PPP1R16B: variants seen among roughly 807,000 people sequenced by gnomAD.
The protein encoded by PPP1R16B is protein phosphatase 1 regulatory subunit 16B.
A neutral mutation model predicts 61.7 loss-of-function variants in PPP1R16B; 14 were observed. The observed-to-expected ratio is 0.23, with a 90% CI of 0.15 to 0.35. PPP1R16B has a LOEUF of 0.35. PPP1R16B is among the 10% of genes least tolerant of loss of function. The pLI, the probability that PPP1R16B is intolerant of heterozygous loss-of-function variation, is 1.00. For synonymous variants in PPP1R16B, 266 were observed against 305.3 expected, an observed-to-expected ratio of 0.87 and a Z score of 1.34; for missense variants, 547 against 752.5, an observed-to-expected ratio of 0.73 and a Z score of 3.19.
chr20:38,867,256 A>C (rs775205727), intron 2 of PPP1R16B, among the ~76,000 whole-genome samples: 1 of 152,194 alleles, frequency 6.6e-6, no homozygotes, highest in Non-Finnish European at 1.5e-5. Context: ...CCAGCCATTC[A>C]TGTCCAAACA....
chr20:38,855,732 C>T (rs1361711736), intron 2 of PPP1R16B, among the ~76,000 whole-genome samples: 1 of 151,606 alleles, frequency 6.6e-6, no homozygotes, highest in African/African-American at 2.4e-5. Context: ...CCATGCCACC[C>T]ACCCAGTGGG....
At chr20:38,898,586 G>T (rs536166068) in intron 4 of PPP1R16B, among the ~76,000 whole-genome samples, 87 of 152,114 alleles carry the variant, frequency 5.7e-4, no homozygotes, top group Non-Finnish European at 1.0e-3. Flanking sequence ...AAAATGGGTG[G>T]ACCACTTGAG....
At chr20:38,877,685 T>C (rs2085177267) in intron 2 of PPP1R16B, among the ~76,000 whole-genome samples, 1 of 152,184 alleles carries the variant, frequency 6.6e-6, no homozygotes, top group East Asian at 1.9e-4. Context: ...TCACTGATAA[T>C]GACTTCATTC....
intron 2 of PPP1R16B, among the ~76,000 whole-genome samples, chr20:38,843,034 G>A (rs998490668): frequency 1.3e-4 from 20 of 152,180 alleles, no homozygotes; most frequent in Admixed American, 2.6e-4. Flanking sequence ...GTTTGATAAA[G>A]GGGCAGTTTG....
rs1395121098 is a variant in PPP1R16B at position 38,899,216 on chromosome 20, G to T, written c.468-1365G>T. Among the ~76,000 whole-genome samples the T allele has an allele frequency of 1.5e-4, 23 of 152,306 alleles. 1 individual carries two copies. In the East Asian group the frequency reaches 4.2e-3, roughly 28 times the overall value. ...GAAAGCTCAGAGAAGTCACAGTGGA[G>T]GGCTGTTAGGCCAAAGGACTGGATG... On this transcript the variant is annotated intron_variant, in intron 4 of 10. Transcript: ENST00000299824.
chr20:38,855,907 CATATATATATATATATATATATATAT>C (rs371138532), intron 2 of PPP1R16B, among the ~76,000 whole-genome samples: 3 of 17,776 alleles, frequency 1.7e-4, no homozygotes, highest in Non-Finnish European at 2.7e-4. Flanking sequence ...CAGTTTCCTA[CATATATATATATATATATATATATAT>C]ATATATATAT....
At chr20:38,898,646 C>A (rs1466488246) in intron 4 of PPP1R16B, among the ~76,000 whole-genome samples, 1 of 152,060 alleles carries the variant, frequency 6.6e-6, no homozygotes, top group African/African-American at 2.4e-5. Context: ...CCTGTCTCTA[C>A]TAAAAATACA....
intron 2 of PPP1R16B, among the ~76,000 whole-genome samples, chr20:38,862,918 G>A (rs762998417): frequency 6.6e-6 from 1 of 152,184 alleles, no homozygotes; most frequent in South Asian, 2.1e-4. Context: ...TGGGTGTTCT[G>A]ATGTTCGAAA....
At chr20:38,851,701 A>T (rs1031208633) in intron 2 of PPP1R16B, among the ~76,000 whole-genome samples, 3 of 151,996 alleles carry the variant, frequency 2.0e-5, no homozygotes, top group Non-Finnish European at 4.4e-5. Flanking sequence ...TAGTATTAAC[A>T]TGCTTAACAA....
chr20:38,833,262 A>G (rs888156283), intron 1 of PPP1R16B, among the ~76,000 whole-genome samples: 1 of 152,262 alleles, frequency 6.6e-6, no homozygotes, highest in African/African-American at 2.4e-5. Flanking sequence ...ACAAAATTCT[A>G]GAGATGGGGA....
intron 2 of PPP1R16B, among the ~76,000 whole-genome samples, chr20:38,866,816 A>AT (rs567999658): frequency 6.6e-6 from 1 of 152,310 alleles, no homozygotes; most frequent in East Asian, 1.9e-4. Context: ...ATTTAGTGGC[A>AT]TTTAAGTACC....
At chr20:38,899,152 C>T (rs981035194) in intron 4 of PPP1R16B, among the ~76,000 whole-genome samples, 6 of 152,154 alleles carry the variant, frequency 3.9e-5, no homozygotes, top group African/African-American at 1.2e-4. Context: ...TACTGCTGCC[C>T]CAGCTCAGAG....
chr20:38,865,536 C>T (rs1392856203), intron 2 of PPP1R16B, among the ~76,000 whole-genome samples: 2 of 152,110 alleles, frequency 1.3e-5, no homozygotes, highest in African/African-American at 4.8e-5. Context: ...TGTGATCCGC[C>T]TGCCTCGGCC....
intron 1 of PPP1R16B, among the ~76,000 whole-genome samples, chr20:38,829,744 G>A (rs1294513291): frequency 3.9e-5 from 6 of 152,232 alleles, no homozygotes; most frequent in South Asian, 4.1e-4. Flanking sequence ...GGGCCACCCC[G>A]CTGCTGTGTT....
At chr20:38,882,907 G>T (rs973631373) in intron 2 of PPP1R16B, among the ~76,000 whole-genome samples, 2 of 152,144 alleles carry the variant, frequency 1.3e-5, no homozygotes, top group African/African-American at 4.8e-5. Context: ...ATCAGAGCTC[G>T]GTTTTTGTTT....
At chr20:38,824,781 C>A (rs2084795370) in intron 1 of PPP1R16B, among the ~76,000 whole-genome samples, 1 of 152,274 alleles carries the variant, frequency 6.6e-6, no homozygotes, top group African/African-American at 2.4e-5. Context: ...GTAATCCCAG[C>A]ACTTTGTGAG....
At chr20:38,900,468 T>C (rs555009029) in intron 4 of PPP1R16B, 113 bp from the exon 5 acceptor site, 1 of 733,858 alleles carries the variant, frequency 1.4e-6, no homozygotes, top group Non-Finnish European at 2.2e-6. Context: ...CTTGGTGGGG[T>C]TTTGAGTGCC....
chr20:38,842,507 T>C (rs543923280), intron 2 of PPP1R16B, among the ~76,000 whole-genome samples: 13 of 152,346 alleles, frequency 8.5e-5, no homozygotes, highest in Admixed American at 2.6e-4. Context: ...TACTCTAAAT[T>C]TAACTCTTAT....
chr20:38,836,778 C>G (rs1197537651), intron 2 of PPP1R16B, among the ~76,000 whole-genome samples: 2 of 152,202 alleles, frequency 1.3e-5, no homozygotes, highest in South Asian at 2.1e-4. Flanking sequence ...GATCCTCGTG[C>G]CTCAGCCTCC....
Sources: allele counts gnomAD v4.1 joint callset (sites outside exome capture counted in the v4.1 genomes callset), GRCh38; gene constraint gnomAD v4.1.1; transcripts MANE v1.5; gene names NCBI Gene and HGNC (gene_info 2026-07-23, HGNC 2026-07-21).